PTPRD: variants seen among roughly 807,000 people sequenced by gnomAD.
PTPRD encodes protein tyrosine phosphatase receptor type D.
A neutral mutation model predicts 214.5 loss-of-function variants in PTPRD; 34 were observed. The observed-to-expected ratio is 0.16, with a 90% CI of 0.12 to 0.21. The LOEUF is 0.21. Ranked by LOEUF, PTPRD falls within the 10% of genes least tolerant of loss-of-function variation. PTPRD has a pLI of 1.00. For synonymous variants in PTPRD, 1,128 were observed against 845.7 expected (o/e 1.33, Z -5.79); for missense variants, 2,545 against 2,398.7 (o/e 1.06, Z -1.27).
chr9:8,491,146 C>G (rs2097140979), intron 27 of PTPRD, among the ~76,000 whole-genome samples: 1 of 152,196 alleles, frequency 6.6e-6, no homozygotes, highest in Non-Finnish European at 1.5e-5. Flanking sequence ...GTGGGGAGGT[C>G]TTACAAAAGT....
intron 3 of PTPRD, among the ~76,000 whole-genome samples, chr9:10,071,019 A>G (rs1419487826): frequency 6.6e-6 from 1 of 152,076 alleles, no homozygotes; most frequent in African/African-American, 2.4e-5. Context: ...AAAGATTATG[A>G]TAGTACAAAA....
chr9:10,041,309 G>C (rs1047695232), intron 3 of PTPRD, among the ~76,000 whole-genome samples: 5 of 151,784 alleles, frequency 3.3e-5, no homozygotes, highest in African/African-American at 1.2e-4. Flanking sequence ...TTTTTATTTT[G>C]AATGTGCTAG....
chr9:8,731,643 A>G (rs1256907012), intron 12 of PTPRD, among the ~76,000 whole-genome samples: 1 of 152,226 alleles, frequency 6.6e-6, no homozygotes, highest in Admixed American at 6.5e-5. Context: ...TTTAGTGACT[A>G]AAATGATATC....
intron 7 of PTPRD, among the ~76,000 whole-genome samples, chr9:9,652,479 T>G (rs2096387639): frequency 6.6e-6 from 1 of 152,184 alleles, no homozygotes; most frequent in Admixed American, 6.5e-5. Context: ...TGGTTGCAGT[T>G]GACTACTATA....
chr9:8,776,606 T>C lies in PTPRD; in HGVS notation c.-103-42660A>G, dbSNP rs185316534. Among the ~76,000 whole-genome samples the C allele has an allele frequency of 1.1e-3, 168 of 152,118 alleles. 2 individuals are homozygous for C. The highest frequency in any genetic ancestry group is 4.0e-3 in the African/African-American group (164 of 41,504). On this transcript the variant is annotated intron_variant, in intron 11 of 45. Transcript: ENST00000381196. The stretch of plus-strand genomic sequence containing the variant: ...TGCACCCAGCCTAAGAATAAGTATT[T>C]ATTAAAATGAAAGCAATGATGGGGG...
intron 9 of PTPRD, among the ~76,000 whole-genome samples, chr9:9,264,856 C>A (rs1938386360): frequency 1.3e-5 from 2 of 149,262 alleles, no homozygotes; most frequent in Non-Finnish European, 3.0e-5. Context: ...AGAAGCCTTG[C>A]AGGCCAGGAG....
chr9:9,513,049 G>A (rs367765074), intron 8 of PTPRD, among the ~76,000 whole-genome samples: 35 of 151,612 alleles, frequency 2.3e-4, no homozygotes, highest in African/African-American at 7.5e-4. Context: ...ATCTACTACT[G>A]GCCTGTAATT....
chr9:10,289,132 C>G (rs1012853062), intron 3 of PTPRD, among the ~76,000 whole-genome samples: 2 of 151,668 alleles, frequency 1.3e-5, no homozygotes, highest in Non-Finnish European at 2.9e-5. Context: ...GTATAAGAGT[C>G]TATGCTATAA....
At chr9:9,934,767 C>T (rs894038779) in intron 5 of PTPRD, among the ~76,000 whole-genome samples, 10 of 151,728 alleles carry the variant, frequency 6.6e-5, no homozygotes, top group African/African-American at 2.4e-4. Flanking sequence ...GGCAGAGACA[C>T]AACCAAAAAA....
At chr9:10,303,440 A>T (rs1030479625) in intron 3 of PTPRD, among the ~76,000 whole-genome samples, 15 of 74,596 alleles carry the variant, frequency 2.0e-4, no homozygotes, top group African/African-American at 1.6e-3. Flanking sequence ...TAGAAACACA[A>T]AAAAAAACCT....
At chr9:9,446,550 A>C (rs965570623) in intron 8 of PTPRD, among the ~76,000 whole-genome samples, 1 of 152,102 alleles carries the variant, frequency 6.6e-6, no homozygotes, top group Non-Finnish European at 1.5e-5. Flanking sequence ...TATTCAATTC[A>C]CTGTCTCTTC....
rs79665017 is a variant in PTPRD at position 9,311,729 on chromosome 9, G to A, written c.-203+85720C>T. Among the ~76,000 whole-genome samples, 548 of 152,216 alleles carry A rather than the reference G, an allele frequency of 3.6e-3. 6 individuals are homozygous for A. Among genetic ancestry groups the A allele is most frequent in the African/African-American group, 0.013 (530 of 41,546 alleles). ...TTATCATTATAGAAATTTAAGGCTT[G>A]TAGCTCTACCATTGTTTTAAATAGA... On this transcript the variant is annotated intron_variant, in intron 9 of 45. Coordinates refer to ENST00000381196, the MANE Select transcript of PTPRD (RefSeq NM_002839.4).
chr9:9,558,339 A>C (rs1430041157), intron 8 of PTPRD, among the ~76,000 whole-genome samples: 2 of 152,198 alleles, frequency 1.3e-5, no homozygotes, highest in Non-Finnish European at 2.9e-5. Flanking sequence ...AAACTCACTG[A>C]GTCATGCAGA....
intron 9 of PTPRD, among the ~76,000 whole-genome samples, chr9:9,322,069 A>G (rs1357264676): frequency 6.6e-6 from 1 of 152,160 alleles, no homozygotes; most frequent in African/African-American, 2.4e-5. Context: ...CTGAATAGTT[A>G]AGCAGTTATT....
intron 22 of PTPRD, among the ~76,000 whole-genome samples, chr9:8,505,570 A>C (rs1181395321): frequency 1.4e-5 from 2 of 147,500 alleles, no homozygotes; most frequent in East Asian, 2.0e-4. Flanking sequence ...TGCAGTGAGC[A>C]GAGATCGCGC....
chr9:8,488,774 A>T (rs576874014), intron 27 of PTPRD, among the ~76,000 whole-genome samples: 1 of 152,354 alleles, frequency 6.6e-6, no homozygotes, highest in East Asian at 1.9e-4. Context: ...GATGGTGTCA[A>T]GGATTAAACA....
intron 35 of PTPRD, among the ~76,000 whole-genome samples, chr9:8,426,031 G>A (rs987645138): frequency 2.6e-5 from 4 of 151,954 alleles, no homozygotes; most frequent in African/African-American, 9.7e-5. Context: ...GCTCCTTTTT[G>A]GAAGAATGAG....
At chr9:8,778,195 C>G (rs144161441) in intron 11 of PTPRD, among the ~76,000 whole-genome samples, 2 of 152,282 alleles carry the variant, frequency 1.3e-5, no homozygotes, top group African/African-American at 4.8e-5. Context: ...GGCGTGATAG[C>G]CACAGGCTAG....
chr9:9,491,522 G>C (rs969974032), intron 8 of PTPRD, among the ~76,000 whole-genome samples: 15 of 151,924 alleles, frequency 9.9e-5, no homozygotes, highest in Non-Finnish European at 1.6e-4. Flanking sequence ...ACATTTTTAA[G>C]GACAAGCCAT....
Sources: allele counts gnomAD v4.1 joint callset (sites outside exome capture counted in the v4.1 genomes callset), GRCh38; gene constraint gnomAD v4.1.1; transcripts MANE v1.5; gene names NCBI Gene and HGNC (gene_info 2026-07-23, HGNC 2026-07-21).